Variants in SLC38A8 observed in about 807,000 individuals in gnomAD.
The protein encoded by SLC38A8 is amino acid transporter SLC38A8.
Under a neutral mutation model 46.0 loss-of-function variants are expected in SLC38A8, and 65 were observed. That is an observed-to-expected ratio of 1.41 (90% CI 1.16 to 1.74). SLC38A8 has a LOEUF of 1.74. Among genes scored for constraint, SLC38A8 ranks in the 40% most tolerant of loss-of-function variants. SLC38A8 has a pLI of 0.00. For synonymous variants in SLC38A8, 447 were observed against 243.7 expected (o/e 1.83, Z -7.77); for missense variants, 998 against 567.9 (o/e 1.76, Z -7.70).
intron 6 of SLC38A8, among the ~76,000 whole-genome samples, chr16:84,026,683 G>C (rs1434834258): frequency 6.6e-6 from 1 of 152,234 alleles, no homozygotes; most frequent in African/African-American, 2.4e-5. Context: ...TCAAAGGACA[G>C]GGGATAAAGC....
In SLC38A8 at chr16:84,022,831, C is replaced by G. The variant is rs199771101; in HGVS notation, c.749G>C (p.Trp250Ser). 1 of 1,613,210 alleles carries G rather than the reference C, an allele frequency of 6.2e-7. No homozygotes were observed. Among genetic ancestry groups the G allele is most frequent in the Non-Finnish European group, 8.5e-7 (1 of 1,179,626 alleles). The change falls in exon 7 of 11, where the codon TGG becomes TCG. Residue 250 changes from tryptophan to serine, a missense_variant. By Grantham distance (177) the Trp-to-Ser change is radical (BLOSUM62 -3). Coordinates refer to ENST00000299709, the MANE Select transcript of SLC38A8 (RefSeq NM_001080442.3). ...CSMRKRSLSHWALVSVLSLLA... is the reference protein window; with the variant it reads ...CSMRKRSLSHSALVSVLSLLA... ...CAAGGACAGCACAGACACCAGGGCC[C>G]AGTGGGAGAGGCTCCGTTTGCGCAT... is the stretch of plus-strand genomic sequence containing the variant.
In SLC38A8 at chr16:84,029,481, A is replaced by G; in HGVS notation, c.690+13T>C. 6.2e-7 allele frequency: 1 copy of G among 1,613,966 alleles called. No homozygotes were observed. The highest frequency in any genetic ancestry group is 8.5e-7 in the Non-Finnish European group (1 of 1,179,906). On this transcript the variant is annotated intron_variant, in intron 6 of 10. Coordinates refer to ENST00000299709, the MANE Select transcript of SLC38A8 (RefSeq NM_001080442.3). ...GCAAACGCCACAGGCTGCAACACAGATGCTAAAATTACCTGAAACCCGAAG... is the reference window on the plus strand; with the variant it reads ...GCAAACGCCACAGGCTGCAACACAGGTGCTAAAATTACCTGAAACCCGAAG...
rs746550707 is a variant in SLC38A8 at position 84,017,305 on chromosome 16, T to C, written c.806-18A>G. The C allele has an allele frequency of 1.9e-5, 31 of 1,613,510 alleles. No individual in the cohort carries two copies. The highest frequency in any genetic ancestry group is 5.3e-5 in the African/African-American group (4 of 74,856). On this transcript the variant is annotated intron_variant, in intron 7 of 10. Coordinates refer to ENST00000299709, the MANE Select transcript of SLC38A8 (RefSeq NM_001080442.3). The stretch of plus-strand genomic sequence containing the variant: ...ATAAACCCCTGAAGGTGGGAAAGGA[T>C]GGAAGCCACAGAGTGGATTAGGAAA...
intron 10 of SLC38A8, 71 bp downstream of exon 10, chr16:84,012,930 G>A: frequency 3.3e-6 from 5 of 1,522,436 alleles, no homozygotes; most frequent in Non-Finnish European, 3.6e-6. Flanking sequence ...AGGATCTGCA[G>A]GGTCCCCTGA....
chr16:84,022,297 T>A (rs1010961678), intron 7 of SLC38A8, among the ~76,000 whole-genome samples: 1 of 152,212 alleles, frequency 6.6e-6, no homozygotes, highest in Non-Finnish European at 1.5e-5. Context: ...CACTGTACGA[T>A]CCTGCGTGTC....
chr16:84,029,601 A>G, intron 5 of SLC38A8, 50 bp from the exon 6 acceptor site: 2 of 1,577,738 alleles, frequency 1.3e-6, no homozygotes, highest in African/African-American at 2.7e-5. Flanking sequence ...CACACCCGGA[A>G]CAACCTGCGG....
intron 1 of SLC38A8, 102 bp downstream of exon 1, chr16:84,042,449 C>A (rs1269840294): frequency 1.3e-5 from 4 of 311,816 alleles, no homozygotes; most frequent in South Asian, 1.6e-4. Context: ...AAACCCCCAA[C>A]CTTCCTCATC....
At chr16:84,040,489 G>A (rs1448026860) in intron 2 of SLC38A8, among the ~76,000 whole-genome samples, 1 of 152,174 alleles carries the variant, frequency 6.6e-6, no homozygotes, top group Admixed American at 6.5e-5. Flanking sequence ...ATGCCTGCAC[G>A]GTGCTTGTGG....
intron 4 of SLC38A8, 94 bp from the exon 5 acceptor site, chr16:84,032,062 T>C: frequency 3.6e-6 from 4 of 1,101,422 alleles, no homozygotes; most frequent in Non-Finnish European, 5.4e-6. Context: ...AGCTCCGCCC[T>C]TGACAATGAG....
At chr16:84,024,423 C>A (rs72799222) in intron 6 of SLC38A8, among the ~76,000 whole-genome samples, 4 of 152,186 alleles carry the variant, frequency 2.6e-5, no homozygotes, top group African/African-American at 9.6e-5. Context: ...AAGCGACCCT[C>A]CTGCTTTGGC....
chr16:84,015,776 G>T (rs2085017961), intron 9 of SLC38A8, among the ~76,000 whole-genome samples: 2 of 152,154 alleles, frequency 1.3e-5, no homozygotes, highest in African/African-American at 4.8e-5. Flanking sequence ...CGCAATCTTG[G>T]CTCCCTGCAA....
intron 2 of SLC38A8, among the ~76,000 whole-genome samples, chr16:84,039,476 G>A (rs2085342970): frequency 6.6e-6 from 1 of 152,148 alleles, no homozygotes; most frequent in Non-Finnish European, 1.5e-5. Flanking sequence ...CGGGTACGGT[G>A]GCTCATGGCT....
intron 8 of SLC38A8, 104 bp downstream of exon 8, chr16:84,017,036 G>T (rs1159874733): frequency 4.8e-6 from 7 of 1,451,750 alleles, no homozygotes; most frequent in East Asian, 2.3e-5. Context: ...AATTGGAGAG[G>T]ATGGTAGTCC....
At chr16:84,033,508 A>G in intron 3 of SLC38A8, 39 bp from the exon 4 acceptor site, 1 of 1,541,680 alleles carries the variant, frequency 6.5e-7, no homozygotes, top group Non-Finnish European at 8.7e-7. Context: ...ACAGAGTACA[A>G]ATGCCGTGGG....
chr16:84,011,779 G>C (rs1284474180), intron 10 of SLC38A8, among the ~76,000 whole-genome samples: 1 of 152,212 alleles, frequency 6.6e-6, no homozygotes, highest in Non-Finnish European at 1.5e-5. Flanking sequence ...AGCTACTCAG[G>C]AGGCTGAGGC....
chr16:84,031,526 T>C (rs573839839), intron 5 of SLC38A8, among the ~76,000 whole-genome samples: 59 of 152,054 alleles, frequency 3.9e-4, no homozygotes, highest in Non-Finnish European at 7.8e-4. Flanking sequence ...CTCCTCACTG[T>C]TCCCCTGCCC....
Position 84,024,635 on chromosome 16 carries a change from G to A in SLC38A8, c.691-1746C>T, listed in dbSNP as rs141863705. On this transcript the variant is annotated intron_variant, in intron 6 of 10. Coordinates refer to ENST00000299709, the MANE Select transcript of SLC38A8 (RefSeq NM_001080442.3). ...GTCTCTACTAAAAGTATAAAAATTA[G>A]TCAGGTGTGGTGGCAAGCACCTGTA... Among the ~76,000 whole-genome samples the A allele has an allele frequency of 1.1e-3, 164 of 152,118 alleles. 1 individual carries two copies. The highest frequency in any genetic ancestry group is 3.8e-3 in the African/African-American group (157 of 41,554).
intron 7 of SLC38A8, among the ~76,000 whole-genome samples, chr16:84,020,358 C>A (rs2085080839): frequency 6.6e-6 from 1 of 152,158 alleles, no homozygotes; most frequent in South Asian, 2.1e-4. Context: ...GTTGGCCAGG[C>A]TGGCCTCGAA....
chr16:84,016,464 A>T, intron 9 of SLC38A8, 55 bp downstream of exon 9: 4 of 1,579,634 alleles, frequency 2.5e-6, no homozygotes, highest in Non-Finnish European at 1.7e-6. Flanking sequence ...GAGTCCCCAC[A>T]GAGATGAGCA....
Sources: gnomAD v4.1 joint callset for allele counts (sites outside exome capture counted in the v4.1 genomes callset) on GRCh38, gnomAD v4.1.1 for gene constraint, MANE v1.5 for transcripts, NCBI Gene and HGNC (gene_info 2026-07-23, HGNC 2026-07-21) for gene names.